The following CIROZ variants were observed in gnomAD, a reference collection of about 807,000 sequenced individuals.
The protein encoded by CIROZ is ciliated left-right organizer protein containing ZP-N domains.
At chr1:10,946,794 G>T in the CIROZ span, 2 of 152,204 alleles carry the variant, frequency 1.3e-5, no homozygotes, top group African/African-American at 4.8e-5. Context: ...CGAAGCAGTG[G>T]CATCCCATTC....
chr1:10,951,347 C>T, the CIROZ span, among the ~76,000 whole-genome samples: 3 of 151,928 alleles, frequency 2.0e-5, no homozygotes, highest in African/African-American at 7.3e-5. Context: ...GCTGGATCAC[C>T]TGAGGTCAGG....
chr1:10,955,318 C>T, the CIROZ span: 1 of 757,522 alleles, frequency 1.3e-6, no homozygotes, highest in Admixed American at 3.0e-5. Flanking sequence ...TCAGTGACAG[C>T]AAGTTACTTG....
the CIROZ span, among the ~76,000 whole-genome samples, chr1:10,981,532 A>C: frequency 1.5e-5 from 2 of 135,516 alleles, no homozygotes; most frequent in Non-Finnish European, 3.0e-5. Flanking sequence ...GAAAGGAAGG[A>C]AGGCAGGGAG....
At chr1:10,978,604 G>A in the CIROZ span, among the ~76,000 whole-genome samples, 2 of 151,988 alleles carry the variant, frequency 1.3e-5, no homozygotes, top group Admixed American at 1.3e-4. Flanking sequence ...CAGCTACTCA[G>A]GAGGCTGAGG....
At chr1:10,972,536 C>A in the CIROZ span, among the ~76,000 whole-genome samples, 2 of 151,780 alleles carry the variant, frequency 1.3e-5, no homozygotes, top group African/African-American at 4.8e-5. Context: ...TCTCTCTCAA[C>A]AGAGACATTT....
At chr1:10,975,007 C>T in the CIROZ span, among the ~76,000 whole-genome samples, 1 of 152,220 alleles carries the variant, frequency 6.6e-6, no homozygotes, top group Non-Finnish European at 1.5e-5. Context: ...CATGGTGGCT[C>T]ACGCCTGTCA....
chr1:10,957,465 G>A, the CIROZ span: 1 of 1,175,180 alleles, frequency 8.5e-7, no homozygotes, highest in Non-Finnish European at 1.2e-6. Context: ...TTACGCTAAT[G>A]GGGCCCAATT....
the CIROZ span, among the ~76,000 whole-genome samples, chr1:10,968,763 C>CT: frequency 6.6e-6 from 1 of 152,182 alleles, no homozygotes; most frequent in Non-Finnish European, 1.5e-5. Context: ...CTGACAGCGC[C>CT]TAAAACTAAT....
chr1:10,952,456 T>A, the CIROZ span, among the ~76,000 whole-genome samples: 2 of 152,134 alleles, frequency 1.3e-5, no homozygotes, highest in African/African-American at 4.8e-5. Context: ...AGGATAAAGA[T>A]CACCTACTCT....
chr1:10,972,633 C>T, the CIROZ span, among the ~76,000 whole-genome samples: 2 of 152,222 alleles, frequency 1.3e-5, no homozygotes, highest in South Asian at 2.1e-4. Context: ...TGACCTGGGG[C>T]GAGTCATTTA....
chr1:10,981,340 C>T, the CIROZ span, among the ~76,000 whole-genome samples: 1 of 152,028 alleles, frequency 6.6e-6, no homozygotes, highest in African/African-American at 2.4e-5. Context: ...GTCCCAGCTA[C>T]TCAGGAGGCT....
chr1:10,968,683 G>A, the CIROZ span, among the ~76,000 whole-genome samples: 7 of 152,176 alleles, frequency 4.6e-5, no homozygotes, highest in African/African-American at 1.2e-4. Flanking sequence ...AGCAGGCACC[G>A]TCATTTCTCC....
the CIROZ span, among the ~76,000 whole-genome samples, chr1:10,977,629 C>T: frequency 3.9e-5 from 6 of 152,130 alleles, no homozygotes; most frequent in Non-Finnish European, 8.8e-5. Context: ...CAAATAGACA[C>T]CAAACTGGCT....
the CIROZ span, among the ~76,000 whole-genome samples, chr1:10,954,447 C>A: frequency 1.7e-4 from 23 of 134,344 alleles, no homozygotes; most frequent in African/African-American, 7.3e-4. Context: ...GAGCGAGACT[C>A]TGTCTCAAAA....
chr1:10,955,042 T>G, the CIROZ span: 1 of 1,613,510 alleles, frequency 6.2e-7, no homozygotes. Flanking sequence ...AAAGTCCTTG[T>G]TCTCAGTCAC....
At chr1:10,972,826 C>T in the CIROZ span, among the ~76,000 whole-genome samples, 1 of 152,066 alleles carries the variant, frequency 6.6e-6, no homozygotes, top group African/African-American at 2.4e-5. Flanking sequence ...GTGGCTCATG[C>T]CTGTAATCCC....
the CIROZ span, among the ~76,000 whole-genome samples, chr1:10,975,071 A>G: frequency 6.6e-6 from 1 of 152,152 alleles, no homozygotes. Flanking sequence ...CAAGAGTTCA[A>G]GATCAGCCTG....
At chr1:10,972,035 C>T in the CIROZ span, among the ~76,000 whole-genome samples, 6 of 152,224 alleles carry the variant, frequency 3.9e-5, no homozygotes, top group African/African-American at 1.4e-4. Context: ...CAACACCTTG[C>T]CCTGTGCGTG....
the CIROZ span, chr1:10,947,983 G>A: frequency 6.2e-7 from 1 of 1,613,648 alleles, no homozygotes; most frequent in Non-Finnish European, 8.5e-7. Flanking sequence ...TCGGGTGTCA[G>A]AAGAGCTGCT....
Sources: allele counts gnomAD v4.1 joint callset (sites outside exome capture counted in the v4.1 genomes callset), GRCh38; gene constraint gnomAD v4.1.1; transcripts MANE v1.5; gene names NCBI Gene and HGNC (gene_info 2026-07-23, HGNC 2026-07-21).